ERN1: variants seen among roughly 807,000 people sequenced by gnomAD.
ERN1 encodes endoplasmic reticulum to nucleus signaling 1.
ERN1 carries 39 observed loss-of-function variants against 113.1 expected under a neutral mutation model. The ratio of observed to expected loss-of-function variants is 0.34; its 90% CI spans 0.27 to 0.45. ERN1 has a LOEUF of 0.45. ERN1 is among the 20% of genes least tolerant of loss of function. ERN1 has a pLI of 1.00. For missense variants in ERN1, 976 were observed against 1,274.8 expected (o/e 0.77, Z 3.57); for synonymous variants, 507 against 515.9 (o/e 0.98, Z 0.23).
intron 5 of ERN1, among the ~76,000 whole-genome samples, chr17:64,072,890 G>C (rs1413147450): frequency 6.6e-6 from 1 of 152,208 alleles, no homozygotes; most frequent in Non-Finnish European, 1.5e-5. Context: ...ATTTTGTAAA[G>C]CATGATCTCT....
intron 1 of ERN1, among the ~76,000 whole-genome samples, chr17:64,119,355 A>G (rs1914889972): frequency 7.9e-6 from 1 of 127,276 alleles, no homozygotes; most frequent in South Asian, 2.7e-4. Context: ...AAAATGTAAT[A>G]TTAGGTTCCT....
intron 1 of ERN1, among the ~76,000 whole-genome samples, chr17:64,110,098 G>A (rs1268366096): frequency 1.3e-5 from 2 of 152,152 alleles, no homozygotes; most frequent in Middle Eastern, 3.2e-3. Context: ...GTACATCTAA[G>A]TGGGTGGGAA....
intron 8 of ERN1, 65 bp downstream of exon 8, chr17:64,066,606 C>A (rs1377289536): frequency 6.3e-7 from 1 of 1,587,372 alleles, no homozygotes; most frequent in Non-Finnish European, 8.6e-7. Flanking sequence ...GGGCCTGCTA[C>A]ACTGCAACAG....
chr17:64,092,228 A>T (rs925590565), intron 2 of ERN1, among the ~76,000 whole-genome samples: 3 of 152,152 alleles, frequency 2.0e-5, no homozygotes, highest in African/African-American at 7.2e-5. Flanking sequence ...TCTGCATGAC[A>T]GGGCTTGGTG....
intron 1 of ERN1, among the ~76,000 whole-genome samples, chr17:64,108,951 C>T (rs1284903328): frequency 4.6e-5 from 7 of 151,990 alleles, no homozygotes; most frequent in East Asian, 1.9e-4. Flanking sequence ...GGGGAAACCC[C>T]GTCTCTACTA....
At chr17:64,110,827 G>T (rs1372559248) in intron 1 of ERN1, among the ~76,000 whole-genome samples, 2 of 152,220 alleles carry the variant, frequency 1.3e-5, no homozygotes, top group Non-Finnish European at 2.9e-5. Flanking sequence ...TTTGAATAGA[G>T]ATTGGAAAGC....
chr17:64,073,726 C>T (rs1179979112), intron 5 of ERN1, among the ~76,000 whole-genome samples: 3 of 152,132 alleles, frequency 2.0e-5, no homozygotes, highest in African/African-American at 7.2e-5. Flanking sequence ...CTCCTGACCT[C>T]GTGATCTGCC....
Position 64,054,187 on chromosome 17 carries a change from A to C in ERN1, c.1953+63T>G. The C allele has an allele frequency of 2.1e-6, 3 of 1,431,308 alleles. No individual in the cohort carries two copies. Among genetic ancestry groups the C allele is most frequent in the Non-Finnish European group, 2.8e-6 (3 of 1,055,102 alleles). 88.7% of individuals were successfully genotyped at this position (1,431,308 alleles called of 1,614,324 possible). On this transcript the variant is annotated intron_variant, in intron 15 of 21. Transcript: ENST00000433197. The surrounding 1 kb of genome is among the most constrained non-coding windows in gnomAD (Gnocchi z 4.9). Reference sequence around the variant, plus strand: ...ACTCCTGAGCTCACGTGATCTGCTCACTTTGGCCTCCCAAAGTGCTATGAC... The same window carrying C: ...ACTCCTGAGCTCACGTGATCTGCTCCCTTTGGCCTCCCAAAGTGCTATGAC...
chr17:64,083,803 C>A (rs1288564247), intron 2 of ERN1, among the ~76,000 whole-genome samples: 1 of 152,180 alleles, frequency 6.6e-6, no homozygotes, highest in East Asian at 1.9e-4. Context: ...GAACTGACAT[C>A]CTGGGTGAGG....
At position 64,068,280 on chromosome 17, in the gene ERN1, T is replaced by A; in HGVS notation, c.490A>T (p.Thr164Ser). The A allele has an allele frequency of 1.2e-6, 2 of 1,611,516 alleles. No individual in the cohort carries two copies. The highest frequency in any genetic ancestry group is 1.7e-6 in the Non-Finnish European group (2 of 1,178,758). Residue 164 changes from threonine to serine, a missense_variant, in exon 7 of 22, where the codon ACC becomes TCC. This residue lies in a region of ERN1 where 459 missense variants were observed against 581.2 expected (regional missense o/e 0.79). Coordinates refer to ENST00000433197, the MANE Select transcript of ERN1 (RefSeq NM_001433.5). ...TCTCGGGTTTTGGTGTCGTACATGGTGATGGTGTATTCTAAAGAACACAGA... is the reference window on the plus strand; with the variant it reads ...TCTCGGGTTTTGGTGTCGTACATGGAGATGGTGTATTCTAAAGAACACAGA... ...LYLGRTEYTI[T>S]MYDTKTRELR... is the part of the protein sequence containing the mutation.
chr17:64,073,410 C>T (rs1404489817), intron 5 of ERN1, among the ~76,000 whole-genome samples: 2 of 147,238 alleles, frequency 1.4e-5, no homozygotes, highest in African/African-American at 5.0e-5. Flanking sequence ...CTCCTGACTT[C>T]GTGATCCACC....
intron 1 of ERN1, among the ~76,000 whole-genome samples, chr17:64,100,823 C>G (rs7223109): frequency 0.048 from 7,347 of 152,060 alleles, 564 homozygotes; most frequent in African/African-American, 0.17. Context: ...AATAAAACTT[C>G]AGAGAGCTCT....
chr17:64,122,555 T>C (rs1005905660), intron 1 of ERN1, among the ~76,000 whole-genome samples: 5 of 152,214 alleles, frequency 3.3e-5, no homozygotes, highest in Non-Finnish European at 5.9e-5. Flanking sequence ...CTTCAAAGAA[T>C]ATACTTTTGA....
At position 64,050,021 on chromosome 17, in the gene ERN1, T is replaced by C. The variant is rs138342511; in HGVS notation, c.2254-819A>G. 2.3e-3 allele frequency among the ~76,000 whole-genome samples: 344 copies of C among 152,204 alleles called. 2 individuals are homozygous for C. The highest frequency in any genetic ancestry group is 7.6e-3 in the African/African-American group (316 of 41,518). On this transcript the variant is annotated intron_variant, in intron 17 of 21. Transcript: ENST00000433197. Reference sequence around the variant, plus strand: ...ACACACCTTGAACAACACAGCACTCTCATTCAGCCTCACAACAACCTTGTG... The same window carrying C: ...ACACACCTTGAACAACACAGCACTCCCATTCAGCCTCACAACAACCTTGTG...
At chr17:64,071,142 A>G (rs1913401296) in intron 6 of ERN1, among the ~76,000 whole-genome samples, 1 of 152,210 alleles carries the variant, frequency 6.6e-6, no homozygotes, top group Admixed American at 6.5e-5. Flanking sequence ...GTCAAGGGAC[A>G]ATGACGAGGG....
chr17:64,097,034 T>C (rs746615852), intron 2 of ERN1, among the ~76,000 whole-genome samples: 1 of 152,206 alleles, frequency 6.6e-6, no homozygotes, highest in South Asian at 2.1e-4. Context: ...TTTAAAAACA[T>C]TAAAAGGCTT....
chr17:64,089,429 G>A (rs927759645), intron 2 of ERN1, among the ~76,000 whole-genome samples: 9 of 151,672 alleles, frequency 5.9e-5, no homozygotes, highest in African/African-American at 1.5e-4. Flanking sequence ...GAGCGCCAAC[G>A]TGATGTGCAA....
intron 13 of ERN1, 47 bp downstream of exon 13, chr17:64,055,628 T>A (rs774234597): frequency 1.2e-5 from 18 of 1,505,900 alleles, no homozygotes; most frequent in Middle Eastern, 1.9e-4. Flanking sequence ...TCTCAGGAGG[T>A]GCTCGAATAA....
intron 19 of ERN1, among the ~76,000 whole-genome samples, chr17:64,046,500 T>C (rs576645682): frequency 1.3e-5 from 2 of 152,338 alleles, no homozygotes; most frequent in Admixed American, 6.5e-5. Flanking sequence ...CTGGAAGACA[T>C]ATGGACTTGA....
Sources: gnomAD v4.1 joint callset for allele counts (sites outside exome capture counted in the v4.1 genomes callset) on GRCh38, gnomAD v4.1.1 for gene constraint, gnomAD v4.1.1 regional missense constraint, Gnocchi (gnomAD v3.1) non-coding constraint, MANE v1.5 for transcripts, NCBI Gene and HGNC (gene_info 2026-07-23, HGNC 2026-07-21) for gene names.